The following ASB18 variants were observed in gnomAD, a reference collection of about 807,000 sequenced individuals.
ASB18 encodes the protein ankyrin repeat and SOCS box protein 18.
ASB18 carries 33 observed loss-of-function variants against 33.4 expected under a neutral mutation model. That is an observed-to-expected ratio of 0.99 (90% CI 0.75 to 1.32). ASB18 has a LOEUF of 1.32. Ranked by LOEUF, ASB18 falls within the 40% of genes most tolerant of loss-of-function variation. The probability of loss-of-function intolerance (pLI) is 0.00; values close to 1 mark genes in which losing one functional copy is unlikely to be tolerated. For missense variants in ASB18, 694 were observed against 655.5 expected, an observed-to-expected ratio of 1.06 and a Z score of -0.64; for synonymous variants, 295 against 307.6, an observed-to-expected ratio of 0.96 and a Z score of 0.43.
In ASB18 at chr2:236,259,436, T is replaced by C. The variant is rs1459658005; in HGVS notation, c.205+4705A>G. 2.2e-6 allele frequency: 1 copy of C among 451,900 alleles called. No homozygotes were observed. The highest frequency in any genetic ancestry group is 7.1e-5 in the East Asian group (1 of 14,008). 28.0% of individuals were successfully genotyped at this position (451,900 alleles called of 1,614,324 possible). A position where few individuals can be genotyped will look rare whatever the true frequency, so the allele number is the denominator to read the frequency against. ...AGGTTTGAATTATCCAGTTGGTATA[T>C]AAAAAGCAGCCTAGCAAGGCCATGC... On this transcript the variant is annotated intron_variant, in intron 1 of 5. Transcript: ENST00000409749. The surrounding 1 kb of genome is among the most constrained non-coding windows in gnomAD (Gnocchi z 4.4).
rs2060372976 is a variant in ASB18, at chr2:236,196,240, A to G, written c.1215+32T>C. On this transcript the variant is annotated intron_variant, in intron 5 of 5. Coordinates refer to ENST00000409749, the MANE Select transcript of ASB18 (RefSeq NM_212556.4). The surrounding 1 kb of genome is among the most constrained non-coding windows in gnomAD (Gnocchi z 5.6). The stretch of plus-strand genomic sequence containing the variant: ...AAGCAAAAACAGACAAAAGTTTTGT[A>G]CTAAAGATGGGCAGAAAGGCAGCCC... 4.0e-6 allele frequency: 5 copies of G among 1,247,104 alleles called. No individual in the cohort carries two copies. The highest frequency in any genetic ancestry group is 5.8e-6 in the Non-Finnish European group (5 of 868,924). 77.3% of individuals were successfully genotyped at this position (1,247,104 alleles called of 1,614,324 possible).
rs1260288565 is a variant in ASB18 at position 236,237,282 on chromosome 2, A to T, written c.596+407T>A. ...CTGGGCTGTGATCACCGCGCTCATTACCTCGGCGTGGCGCCTCCCGCGCGC... is the reference window on the plus strand; with the variant it reads ...CTGGGCTGTGATCACCGCGCTCATTTCCTCGGCGTGGCGCCTCCCGCGCGC... On this transcript the variant is annotated intron_variant, in intron 3 of 5. Coordinates refer to ENST00000409749, the MANE Select transcript of ASB18 (RefSeq NM_212556.4). The surrounding 1 kb of genome is among the most constrained non-coding windows in gnomAD (Gnocchi z 6.2). 1.3e-5 allele frequency among the ~76,000 whole-genome samples: 2 copies of T among 151,418 alleles called. No individual in the cohort carries two copies. The highest frequency in any genetic ancestry group is 2.9e-5 in the Non-Finnish European group (2 of 67,860).
Position 236,234,235 on chromosome 2 carries a change from C to T in ASB18, c.596+3454G>A, listed in dbSNP as rs183296336. 1.1e-4 allele frequency among the ~76,000 whole-genome samples: 16 copies of T among 152,250 alleles called. No individual in the cohort carries two copies. The East Asian group carries it at 3.1e-3, about 29-fold the overall frequency. ...AGGAGTTGCTATAAGACCCTTGCCC[C>T]CTCCCCTGGCTATGTCCCCTAGGAG... is the stretch of plus-strand genomic sequence containing the variant. On this transcript the variant is annotated intron_variant, in intron 3 of 5. Coordinates refer to ENST00000409749, the MANE Select transcript of ASB18 (RefSeq NM_212556.4). This position sits in a 1 kb window ranked among gnomAD's most constrained non-coding sequence, Gnocchi z 4.1.
rs2060492363 is a variant in ASB18, at chr2:236,217,302, G to A, written c.597-2436C>T. Reference sequence around the variant, plus strand: ...GATGCATGTAATCCCAGCCACTCGGGAGGCTGAGGCAGGAGAATCACTTAA... The same window carrying A: ...GATGCATGTAATCCCAGCCACTCGGAAGGCTGAGGCAGGAGAATCACTTAA... On this transcript the variant is annotated intron_variant, in intron 3 of 5. Coordinates refer to ENST00000409749, the MANE Select transcript of ASB18 (RefSeq NM_212556.4). The surrounding 1 kb of genome is among the most constrained non-coding windows in gnomAD (Gnocchi z 5.2). 6.6e-6 allele frequency among the ~76,000 whole-genome samples: 1 copy of A among 151,968 alleles called. No homozygotes were observed. Among genetic ancestry groups the A allele is most frequent in the Non-Finnish European group, 1.5e-5 (1 of 68,016 alleles).
In ASB18 at chr2:236,208,044, A is replaced by C. The variant is rs1237690453; in HGVS notation, c.1101+6318T>G. ...AGCTGTTCTTTCTAGACTGGGCATCATATCGACATCATAAGAGCTATTATC... is the reference window on the plus strand; with the variant it reads ...AGCTGTTCTTTCTAGACTGGGCATCCTATCGACATCATAAGAGCTATTATC... On this transcript the variant is annotated intron_variant, in intron 4 of 5. Coordinates refer to ENST00000409749, the MANE Select transcript of ASB18 (RefSeq NM_212556.4). The surrounding 1 kb of genome is among the most constrained non-coding windows in gnomAD (Gnocchi z 7.7). Among the ~76,000 whole-genome samples, 4 of 151,582 alleles carry C rather than the reference A, an allele frequency of 2.6e-5. No individual in the cohort carries two copies. The highest frequency in any genetic ancestry group is 9.7e-5 in the African/African-American group (4 of 41,220).
rs1162488857 is a variant in ASB18, at chr2:236,262,352, T to C, written c.205+1789A>G. Among the ~76,000 whole-genome samples, 1 of 152,142 alleles carries C rather than the reference T, an allele frequency of 6.6e-6. No homozygotes were observed. The highest frequency in any genetic ancestry group is 2.4e-5 in the African/African-American group (1 of 41,422). ...GGGGCTACAGGAGACCACTTACAGG[T>C]GGCAGCAGCCACAGCGGATGGCCAT... On this transcript the variant is annotated intron_variant, in intron 1 of 5. Coordinates refer to ENST00000409749, the MANE Select transcript of ASB18 (RefSeq NM_212556.4). The surrounding 1 kb of genome is among the most constrained non-coding windows in gnomAD (Gnocchi z 5.2).
chr2:236,247,125 C>T (rs1035583045), intron 1 of ASB18, among the ~76,000 whole-genome samples: 2 of 133,746 alleles, frequency 1.5e-5, no homozygotes, highest in African/African-American at 2.7e-5. Context: ...GAAACAGACT[C>T]TTTTTTTTTT....
chr2:236,202,417 T>C (rs142424441), intron 4 of ASB18, among the ~76,000 whole-genome samples: 3 of 152,262 alleles, frequency 2.0e-5, no homozygotes, highest in African/African-American at 7.2e-5. Context: ...TTGTTTCCTT[T>C]GTTTTCCGGT....
chr2:236,200,710 G>A lies in ASB18; in HGVS notation c.1102-4325C>T, dbSNP rs1294907858. ...AATGAGGTCCATACGGATCCATAAA[G>A]GTGGAAGGAAGAGATCTTCACTCTA... On this transcript the variant is annotated intron_variant, in intron 4 of 5. Coordinates refer to ENST00000409749, the MANE Select transcript of ASB18 (RefSeq NM_212556.4). The surrounding 1 kb of genome is among the most constrained non-coding windows in gnomAD (Gnocchi z 4.2). Among the ~76,000 whole-genome samples, 1 of 151,998 alleles carries A rather than the reference G, an allele frequency of 6.6e-6. No homozygotes were observed. Among genetic ancestry groups the A allele is most frequent in the Non-Finnish European group, 1.5e-5 (1 of 68,008 alleles).
In ASB18 at chr2:236,245,185, C is replaced by A. The variant is rs530706042; in HGVS notation, c.206-3783G>T. On this transcript the variant is annotated intron_variant, in intron 1 of 5. Transcript: ENST00000409749. This position sits in a 1 kb window ranked among gnomAD's most constrained non-coding sequence, Gnocchi z 4.7. ...TTTATCTGACCTCTGGGCAAAGGCTCAGCTCTGGGGCTGCAGAAGGGCCCA... is the reference window on the plus strand; with the variant it reads ...TTTATCTGACCTCTGGGCAAAGGCTAAGCTCTGGGGCTGCAGAAGGGCCCA... Among the ~76,000 whole-genome samples, 276 of 152,342 alleles carry A rather than the reference C, an allele frequency of 1.8e-3. 1 individual carries two copies. The highest frequency in any genetic ancestry group is 6.5e-3 in the African/African-American group (270 of 41,584).
chr2:236,214,760 C>G lies in ASB18; in HGVS notation c.703G>C (p.Ala235Pro). 2 of 1,181,166 alleles carry G rather than the reference C, an allele frequency of 1.7e-6. No individual in the cohort carries two copies. The highest frequency in any genetic ancestry group is 2.1e-6 in the Non-Finnish European group (2 of 955,746). 73.2% of individuals were successfully genotyped at this position (1,181,166 alleles called of 1,614,324 possible). Residue 235 changes from alanine to proline, a missense_variant, in exon 4 of 6, where the codon GCG (alanine) becomes CCG (proline). Ala to Pro is a conservative substitution (Grantham distance 27). Transcript: ENST00000409749. The surrounding 1 kb of genome is among the most constrained non-coding windows in gnomAD (Gnocchi z 6.5). ...VAAQRGLDEH[A>P]RLYLGRGAHV... ...GCCCCGCGGCCCAGGTACAGGCGCGCGTGCTCGTCCAGGCCGCGCTGCGCC... is the reference window on the plus strand; with the variant it reads ...GCCCCGCGGCCCAGGTACAGGCGCGGGTGCTCGTCCAGGCCGCGCTGCGCC...
rs373468006 is a variant in ASB18, at chr2:236,214,497, G to A, written c.966C>T (p.Leu322=). 246 of 1,499,252 alleles carry A rather than the reference G, an allele frequency of 1.6e-4. No homozygotes were observed. In the African/African-American group the frequency reaches 3.2e-3, roughly 20 times the overall value. 92.9% of individuals were successfully genotyped at this position (1,499,252 alleles called of 1,614,324 possible). A position where few individuals can be genotyped will look rare whatever the true frequency, so the allele number is the denominator to read the frequency against. ...LLRHGADAGA[L]DYGGASPLGR... ...CCAGCGGCGAGGCCCCGCCATAGTC[G>A]AGCGCGCCCGCGTCGGCGCCGTGCC... is the stretch of plus-strand genomic sequence containing the variant. Residue 322 remains leucine (L), a synonymous_variant, in exon 4 of 6, where the codon CTC becomes CTT. Coordinates refer to ENST00000409749, the MANE Select transcript of ASB18 (RefSeq NM_212556.4). The surrounding 1 kb of genome is among the most constrained non-coding windows in gnomAD (Gnocchi z 6.5).
At chr2:236,218,797 CAAAAAAAAA>C (rs574423455) in intron 3 of ASB18, among the ~76,000 whole-genome samples, 21 of 91,590 alleles carry the variant, frequency 2.3e-4, no homozygotes, top group Admixed American at 3.7e-4. Context: ...GACTCCATCT[CAAAAAAAAA>C]AAAAAAAAAA....
At position 236,256,170 on chromosome 2, in the gene ASB18, T is replaced by C. The variant is rs1449411213; in HGVS notation, c.205+7971A>G. ...TCCCCCAAGTAACTGGGACTATAGG[T>C]GTGTGCCATCATGCCCAGGCTAATT... On this transcript the variant is annotated intron_variant, in intron 1 of 5. Coordinates refer to ENST00000409749, the MANE Select transcript of ASB18 (RefSeq NM_212556.4). This position sits in a 1 kb window ranked among gnomAD's most constrained non-coding sequence, Gnocchi z 4.7. Among the ~76,000 whole-genome samples, 1 of 151,996 alleles carries C rather than the reference T, an allele frequency of 6.6e-6. No homozygotes were observed. Among genetic ancestry groups the C allele is most frequent in the African/African-American group, 2.4e-5 (1 of 41,382 alleles).
At chr2:236,247,859 G>C (rs1559337725) in intron 1 of ASB18, 1 of 152,232 alleles carries the variant, frequency 6.6e-6, no homozygotes, top group African/African-American at 2.4e-5. Flanking sequence ...ACTTCGGACA[G>C]ACTCGTGATC....
chr2:236,260,426 G>A lies in ASB18; in HGVS notation c.205+3715C>T, dbSNP rs1283788001. Among the ~76,000 whole-genome samples the A allele has an allele frequency of 1.3e-5, 2 of 152,120 alleles. No individual in the cohort carries two copies. Among genetic ancestry groups the A allele is most frequent in the African/African-American group, 4.8e-5 (2 of 41,408 alleles). ...ATTCCCAATATGTGCTGCATTTCAA[G>A]GTCATTGCCATAAGTTTTGACCACT... On this transcript the variant is annotated intron_variant, in intron 1 of 5. Coordinates refer to ENST00000409749, the MANE Select transcript of ASB18 (RefSeq NM_212556.4). The surrounding 1 kb of genome is among the most constrained non-coding windows in gnomAD (Gnocchi z 5.1).
chr2:236,246,277 A>G (rs984239510), intron 1 of ASB18, among the ~76,000 whole-genome samples: 1 of 137,654 alleles, frequency 7.3e-6, no homozygotes, highest in Non-Finnish European at 1.5e-5. Flanking sequence ...TGCTGCTTGA[A>G]CCTGGGAGGC....
Position 236,219,423 on chromosome 2 carries a change from C to T in ASB18, c.597-4557G>A, listed in dbSNP as rs975100136. ...GTTCCCAGAATACGCTTGAAATTTC[C>T]ATCAATCTGTTTAGGTATAAGCAGC... On this transcript the variant is annotated intron_variant, in intron 3 of 5. Coordinates refer to ENST00000409749, the MANE Select transcript of ASB18 (RefSeq NM_212556.4). This position sits in a 1 kb window ranked among gnomAD's most constrained non-coding sequence, Gnocchi z 6.4. Among the ~76,000 whole-genome samples, 4 of 152,138 alleles carry T rather than the reference C, an allele frequency of 2.6e-5. No individual in the cohort carries two copies. Among genetic ancestry groups the T allele is most frequent in the African/African-American group, 7.2e-5 (3 of 41,442 alleles).
chr2:236,249,317 T>G lies in ASB18; in HGVS notation c.206-7915A>C, dbSNP rs1193990758. 6.6e-6 allele frequency: 1 copy of G among 152,220 alleles called. No individual in the cohort carries two copies. The highest frequency in any genetic ancestry group is 1.9e-4 in the East Asian group (1 of 5,192). The allele number at this position is 152,220 out of a possible 1,614,324, so 9.4% of individuals were successfully genotyped here. On this transcript the variant is annotated intron_variant, in intron 1 of 5. Coordinates refer to ENST00000409749, the MANE Select transcript of ASB18 (RefSeq NM_212556.4). This position sits in a 1 kb window ranked among gnomAD's most constrained non-coding sequence, Gnocchi z 4.6. ...CACAATTGGCTTCTTTGATTTTTCT[T>G]GGTTGGTTGGTTTGTTTTCAAGCTA...
Sources: gnomAD v4.1 joint callset for allele counts (sites outside exome capture counted in the v4.1 genomes callset) on GRCh38, gnomAD v4.1.1 for gene constraint, Gnocchi (gnomAD v3.1) non-coding constraint, MANE v1.5 for transcripts, NCBI Gene and HGNC (gene_info 2026-07-23, HGNC 2026-07-21) for gene names.